Variants in SYT1 observed in about 807,000 individuals in gnomAD.
SYT1 encodes the protein synaptotagmin-1.
Under a neutral mutation model 44.8 loss-of-function variants are expected in SYT1, and 8 were observed. The ratio of observed to expected loss-of-function variants is 0.18; its 90% CI spans 0.10 to 0.32. The LOEUF is 0.32. SYT1 is among the 10% of genes least tolerant of loss of function. The pLI is 1.00. For missense variants in SYT1, 286 were observed against 509.3 expected, an observed-to-expected ratio of 0.56 and a Z score of 4.22; for synonymous variants, 154 against 188.8, an observed-to-expected ratio of 0.82 and a Z score of 1.51.
At chr12:79,340,100 A>G (rs1182169942) in intron 8 of SYT1, among the ~76,000 whole-genome samples, 1 of 152,178 alleles carries the variant, frequency 6.6e-6, no homozygotes, top group African/African-American at 2.4e-5. Context: ...GAAGTCAGGT[A>G]GTGTGATGCC....
At chr12:78,949,675 C>T (rs1878859663) in intron 1 of SYT1, among the ~76,000 whole-genome samples, 2 of 151,824 alleles carry the variant, frequency 1.3e-5, no homozygotes. Context: ...TCAAAGGAGG[C>T]AAGTAACAAA....
chr12:79,120,186 T>C (rs1879518653), intron 3 of SYT1, among the ~76,000 whole-genome samples: 1 of 152,154 alleles, frequency 6.6e-6, no homozygotes, highest in African/African-American at 2.4e-5. Flanking sequence ...TATGCGGCGA[T>C]GAGAACCCAA....
chr12:78,994,814 C>T (rs551343325), intron 2 of SYT1, among the ~76,000 whole-genome samples: 2 of 152,232 alleles, frequency 1.3e-5, no homozygotes, highest in African/African-American at 2.4e-5. Flanking sequence ...GGATTACAGG[C>T]GTGAGCCACT....
chr12:79,019,988 G>A (rs1872078543), intron 2 of SYT1, among the ~76,000 whole-genome samples: 1 of 151,884 alleles, frequency 6.6e-6, no homozygotes, highest in South Asian at 2.1e-4. Flanking sequence ...AGAAACAAAA[G>A]TAGTGTCAAT....
intron 9 of SYT1, among the ~76,000 whole-genome samples, chr12:79,364,622 A>G (rs1369243667): frequency 2.6e-5 from 4 of 152,200 alleles, no homozygotes; most frequent in Non-Finnish European, 4.4e-5. Context: ...TAACTTAAAA[A>G]AAGAATTAAG....
At chr12:79,285,745 CTAAGTGTTG>C (rs769387206) in intron 4 of SYT1, 33 bp from the exon 5 acceptor site, 1 of 1,468,668 alleles carries the variant, frequency 6.8e-7, no homozygotes, top group Non-Finnish European at 9.3e-7. Context: ...TTTTCCACAT[CTAAGTGTTG>C]TATGACTAGT....
chr12:79,005,613 A>G (rs1211122764), intron 2 of SYT1, among the ~76,000 whole-genome samples: 1 of 152,102 alleles, frequency 6.6e-6, no homozygotes, highest in East Asian at 1.9e-4. Flanking sequence ...TAATAGCATT[A>G]TTAGTGATAG....
chr12:79,410,506 C>CAAAAAAAAAAAAAAAAAAAAAAAAAAG (rs5799432), intron 9 of SYT1, among the ~76,000 whole-genome samples: 4 of 75,916 alleles, frequency 5.3e-5, no homozygotes, highest in Non-Finnish European at 7.2e-5. Flanking sequence ...TGTTCAAAGT[C>CAAAAAAAAAAAAAAAAAAAAAAAAAAG]AAAAAAAAAA....
chr12:79,107,006 C>A (rs1442622268), intron 3 of SYT1, among the ~76,000 whole-genome samples: 2 of 151,732 alleles, frequency 1.3e-5, no homozygotes, highest in African/African-American at 2.4e-5. Flanking sequence ...AGAAAAAATT[C>A]TTTCTTCAAA....
intron 2 of SYT1, chr12:79,045,902 C>T (rs1368366671): frequency 2.6e-5 from 4 of 152,142 alleles, no homozygotes; most frequent in Admixed American, 6.5e-5. Context: ...TCTTATTTAA[C>T]AGGTTTTTTT....
At chr12:78,971,648 G>A (rs1209976142) in intron 1 of SYT1, among the ~76,000 whole-genome samples, 1 of 152,040 alleles carries the variant, frequency 6.6e-6, no homozygotes, top group Non-Finnish European at 1.5e-5. Flanking sequence ...TAATAATGAA[G>A]CTAAAACGTG....
At chr12:79,351,051 G>A (rs1258754909) in intron 8 of SYT1, among the ~76,000 whole-genome samples, 2 of 152,166 alleles carry the variant, frequency 1.3e-5, no homozygotes, top group African/African-American at 4.8e-5. Flanking sequence ...ACATGTTAAA[G>A]TTCTTAAACT....
intron 1 of SYT1, among the ~76,000 whole-genome samples, chr12:78,882,123 T>C (rs967442802): frequency 7.2e-5 from 11 of 151,930 alleles, no homozygotes; most frequent in African/African-American, 2.6e-4. Context: ...CAATGCCAGT[T>C]ACACTCAACA....
chr12:79,065,295 G>A (rs1875756996), intron 3 of SYT1, among the ~76,000 whole-genome samples: 1 of 152,260 alleles, frequency 6.6e-6, no homozygotes, highest in Non-Finnish European at 1.5e-5. Flanking sequence ...GAAGTGGGAG[G>A]GTCGCTTGAG....
At chr12:79,170,381 A>C (rs777076068) in intron 3 of SYT1, among the ~76,000 whole-genome samples, 1 of 151,934 alleles carries the variant, frequency 6.6e-6, no homozygotes, top group Non-Finnish European at 1.5e-5. Flanking sequence ...ACTTTTTGAT[A>C]CTAGCCATTC....
intron 4 of SYT1, among the ~76,000 whole-genome samples, chr12:79,250,020 T>C (rs1877104160): frequency 6.6e-6 from 1 of 152,178 alleles, no homozygotes; most frequent in Non-Finnish European, 1.5e-5. Context: ...TATTAAGCAC[T>C]TTACTTGAAT....
At chr12:79,269,530 A>G (rs1878309777) in intron 4 of SYT1, among the ~76,000 whole-genome samples, 1 of 152,184 alleles carries the variant, frequency 6.6e-6, no homozygotes, top group Non-Finnish European at 1.5e-5. Flanking sequence ...AAAGAAATGA[A>G]CGGTTAAATG....
At chr12:79,297,978 C>T (rs1305077702) in intron 7 of SYT1, among the ~76,000 whole-genome samples, 3 of 152,162 alleles carry the variant, frequency 2.0e-5, no homozygotes, top group Non-Finnish European at 2.9e-5. Context: ...TATATTCATT[C>T]ATCCCTAAAA....
chr12:78,977,820 G>C lies in SYT1; in HGVS notation c.-195G>C, dbSNP rs1592626013. 1 of 152,348 alleles carries C rather than the reference G, an allele frequency of 6.6e-6. No homozygotes were observed. The highest frequency in any genetic ancestry group is 1.9e-4 in the East Asian group (1 of 5,178). The allele number at this position is 152,348 out of a possible 1,614,324, so 9.4% of individuals were successfully genotyped here. A position where few individuals can be genotyped will look rare whatever the true frequency, so the allele number is the denominator to read the frequency against. On this transcript the variant is annotated 5_prime_UTR_variant, in exon 2 of 11. Transcript: ENST00000261205. ...CAAGGGAAAACGGGAAAACTAGCAAGAGCTAGCAAGAACTAGCAAGAGCTT... is the reference window on the plus strand; with the variant it reads ...CAAGGGAAAACGGGAAAACTAGCAACAGCTAGCAAGAACTAGCAAGAGCTT...
Sources: gnomAD v4.1 joint callset for allele counts (sites outside exome capture counted in the v4.1 genomes callset) on GRCh38, gnomAD v4.1.1 for gene constraint, MANE v1.5 for transcripts, NCBI Gene and HGNC (gene_info 2026-07-23, HGNC 2026-07-21) for gene names.